Variants in PTPRA observed in about 807,000 individuals in gnomAD.
PTPRA encodes the protein receptor-type tyrosine-protein phosphatase alpha.
A neutral mutation model predicts 104.8 loss-of-function variants in PTPRA; 25 were observed. The observed-to-expected ratio is 0.24, with a 90% CI of 0.17 to 0.33. The LOEUF (loss-of-function observed/expected upper bound fraction) is 0.33, where lower values mean the gene tolerates loss of function less well. PTPRA is among the 10% of genes least tolerant of loss of function. PTPRA has a pLI of 1.00. For missense variants in PTPRA, 765 were observed against 1,015.3 expected (o/e 0.75, Z 3.35); for synonymous variants, 323 against 368.9 (o/e 0.88, Z 1.43).
intron 1 of PTPRA, among the ~76,000 whole-genome samples, chr20:2,874,357 G>A (rs2089572037): frequency 6.7e-6 from 1 of 150,258 alleles, no homozygotes; most frequent in East Asian, 1.9e-4. Context: ...AATTTTTTTT[G>A]AAAAAATTAG....
intron 22 of PTPRA, among the ~76,000 whole-genome samples, chr20:3,036,648 G>A (rs1328488283): frequency 1.3e-5 from 2 of 152,238 alleles, no homozygotes; most frequent in African/African-American, 2.4e-5. Flanking sequence ...CTGCCTCAGA[G>A]TAGGCACTCA....
Position 3,007,324 on chromosome 20 carries a change from A to G in PTPRA, c.830-20A>G. ...AAATAAATTTTGATTTTACTGAAAT[A>G]TTGTTGGTTTGTTTCCTAGATGACC... On this transcript the variant is annotated intron_variant, in intron 10 of 23. Transcript: ENST00000399903. The G allele has an allele frequency of 1.9e-6, 3 of 1,607,798 alleles. No homozygotes were observed. Among genetic ancestry groups the G allele is most frequent in the South Asian group, 1.1e-5 (1 of 90,902 alleles).
At chr20:2,880,184 T>G (rs1018713319) in intron 1 of PTPRA, among the ~76,000 whole-genome samples, 4 of 152,236 alleles carry the variant, frequency 2.6e-5, no homozygotes, top group African/African-American at 9.6e-5. Flanking sequence ...AAAAGTTCAC[T>G]GTGGCTGTAG....
chr20:2,958,334 GC>G (rs1187829344), intron 3 of PTPRA, among the ~76,000 whole-genome samples: 1 of 152,082 alleles, frequency 6.6e-6, no homozygotes, highest in African/African-American at 2.4e-5. Flanking sequence ...CCCAAGTGTA[GC>G]AGAGATAAAG....
At chr20:2,931,120 T>C (rs1337305232) in intron 2 of PTPRA, among the ~76,000 whole-genome samples, 1 of 152,132 alleles carries the variant, frequency 6.6e-6, no homozygotes, top group Non-Finnish European at 1.5e-5. Context: ...CCACTCAAGA[T>C]ATCCCAAACC....
At chr20:3,010,437 G>A (rs1206724227) in intron 11 of PTPRA, among the ~76,000 whole-genome samples, 1 of 151,728 alleles carries the variant, frequency 6.6e-6, no homozygotes, top group Non-Finnish European at 1.5e-5. Flanking sequence ...GACCATCCTG[G>A]CTAACACGGT....
In PTPRA at chr20:3,037,257, C is replaced by T. The variant is rs751607902; in HGVS notation, c.2302C>T (p.Arg768Trp). 5 of 1,614,208 alleles carry T rather than the reference C, an allele frequency of 3.1e-6. No homozygotes were observed. The highest frequency in any genetic ancestry group is 4.5e-5 in the East Asian group (2 of 44,880). The change falls in exon 23 of 24, where the codon CGG becomes TGG. Residue 768 changes from arginine (R) to tryptophan (W), a missense_variant. Physicochemically the swap from Arg to Trp is moderately radical, Grantham distance 101. Coordinates refer to ENST00000399903, the MANE Select transcript of PTPRA (RefSeq NM_001385305.1). This position sits in a 1 kb window ranked among gnomAD's most constrained non-coding sequence, Gnocchi z 4.3. ...TGTCTTCCAGACTGTCAAGAGCCTGCGGCTACAGAGGCCACACATGGTCCA... is the reference window on the plus strand; with the variant it reads ...TGTCTTCCAGACTGTCAAGAGCCTGTGGCTACAGAGGCCACACATGGTCCA... Reference protein sequence around the residue: ...LDVFQTVKSLRLQRPHMVQTL... With the variant: ...LDVFQTVKSLWLQRPHMVQTL...
intron 8 of PTPRA, 45 bp from the exon 9 acceptor site, chr20:2,988,293 A>G (rs369436087): frequency 3.1e-5 from 48 of 1,567,716 alleles, no homozygotes; most frequent in Non-Finnish European, 3.6e-5. Context: ...AAGAGGGGCT[A>G]GGTTCTCAGG....
intron 6 of PTPRA, among the ~76,000 whole-genome samples, chr20:2,977,291 CAAA>C (rs60609555): frequency 6.7e-5 from 8 of 119,840 alleles, no homozygotes; most frequent in Admixed American, 8.3e-5. Flanking sequence ...GACTCTGTCT[CAAA>C]AAAAAAAAAA....
At chr20:2,953,979 A>G (rs2061444522) in intron 3 of PTPRA, among the ~76,000 whole-genome samples, 1 of 146,402 alleles carries the variant, frequency 6.8e-6, no homozygotes, top group African/African-American at 2.5e-5. Context: ...CACCATTCGT[A>G]TCTCACTGTA....
At chr20:2,888,578 A>AT (rs948541654) in intron 1 of PTPRA, among the ~76,000 whole-genome samples, 9 of 152,210 alleles carry the variant, frequency 5.9e-5, no homozygotes, top group Non-Finnish European at 1.2e-4. Context: ...TTAAAAAAAA[A>AT]AAAGGTTTGT....
intron 11 of PTPRA, among the ~76,000 whole-genome samples, chr20:3,013,634 C>T (rs1178612981): frequency 1.3e-5 from 2 of 152,100 alleles, no homozygotes; most frequent in African/African-American, 4.8e-5. Context: ...TGGCCTCAAA[C>T]TCCCTACCTC....
chr20:2,998,784 A>G (rs1307493256), intron 9 of PTPRA, among the ~76,000 whole-genome samples: 1 of 152,172 alleles, frequency 6.6e-6, no homozygotes, highest in Non-Finnish European at 1.5e-5. Context: ...AAAGAAAGGT[A>G]TAAGGATTGC....
intron 20 of PTPRA, among the ~76,000 whole-genome samples, chr20:3,034,984 A>G (rs536001681): frequency 1.3e-5 from 2 of 152,234 alleles, no homozygotes; most frequent in East Asian, 3.9e-4. Flanking sequence ...CAGAGATGAA[A>G]AGAGACGCAG....
chr20:3,020,540 G>A (rs1393477156), intron 13 of PTPRA, among the ~76,000 whole-genome samples: 1 of 152,220 alleles, frequency 6.6e-6, no homozygotes, highest in Admixed American at 6.5e-5. Flanking sequence ...GGAATTTGAG[G>A]CCTTGGCCTA....
At chr20:2,948,747 C>T (rs1451967943) in intron 3 of PTPRA, among the ~76,000 whole-genome samples, 2 of 151,746 alleles carry the variant, frequency 1.3e-5, no homozygotes, top group Non-Finnish European at 2.9e-5. Context: ...GTCAGGAGAT[C>T]AAGACCATCC....
At chr20:2,915,713 C>T (rs73086613) in intron 1 of PTPRA, among the ~76,000 whole-genome samples, 20,991 of 152,140 alleles carry the variant, frequency 0.14, 1,825 homozygotes, top group South Asian at 0.31. Flanking sequence ...TTAGACCAAG[C>T]GCGGTGGCTC....
intron 2 of PTPRA, among the ~76,000 whole-genome samples, chr20:2,943,205 A>AG (rs2060986593): frequency 1.2e-5 from 1 of 83,552 alleles, no homozygotes; most frequent in African/African-American, 6.6e-5. Context: ...CTTGGAACAT[A>AG]TCCCCCCACC....
chr20:3,006,132 A>G (rs1471206710), intron 10 of PTPRA, among the ~76,000 whole-genome samples: 4 of 151,756 alleles, frequency 2.6e-5, no homozygotes, highest in African/African-American at 9.7e-5. Context: ...TGTTGGGATT[A>G]CAAGCATGAG....
Sources: gnomAD v4.1 joint callset for allele counts (sites outside exome capture counted in the v4.1 genomes callset) on GRCh38, gnomAD v4.1.1 for gene constraint, Gnocchi (gnomAD v3.1) non-coding constraint, MANE v1.5 for transcripts, NCBI Gene and HGNC (gene_info 2026-07-23, HGNC 2026-07-21) for gene names.